Variants in RAD51B observed in about 807,000 individuals in gnomAD.
RAD51B encodes the protein DNA repair protein RAD51 homolog 2.
Under a neutral mutation model 42.2 loss-of-function variants are expected in RAD51B, and 38 were observed. That is an observed-to-expected ratio of 0.90 (90% CI 0.70 to 1.18). The LOEUF is 1.18. Among genes scored for constraint, RAD51B ranks in the 50% most tolerant of loss-of-function variants. The pLI is 0.00. For missense variants in RAD51B, 373 were observed against 400.7 expected, an observed-to-expected ratio of 0.93 and a Z score of 0.59; for synonymous variants, 154 against 145.2, an observed-to-expected ratio of 1.06 and a Z score of -0.43.
At chr14:68,405,206 G>C (rs948586085) in intron 8 of RAD51B, among the ~76,000 whole-genome samples, 19 of 152,182 alleles carry the variant, frequency 1.2e-4, no homozygotes, top group African/African-American at 4.3e-4. Context: ...AGCTTACATA[G>C]TGCCTAGCAC....
At position 68,508,163 on chromosome 14, in the gene RAD51B, C is replaced by T. The variant is rs73282347; in HGVS notation, c.1036+39913C>T. On this transcript the variant is annotated intron_variant, in intron 10 of 10. Coordinates refer to the RAD51B transcript ENST00000487270. Reference sequence around the variant, plus strand: ...TCCCAGGCTCTGTTCTGGTCCAGTGCAGGGCTCCAGTTGTTGATGGTGATG... The same window carrying T: ...TCCCAGGCTCTGTTCTGGTCCAGTGTAGGGCTCCAGTTGTTGATGGTGATG... Among the ~76,000 whole-genome samples the T allele has an allele frequency of 6.7e-3, 1,015 of 152,310 alleles. 15 individuals carry two copies. The highest frequency in any genetic ancestry group is 0.022 in the African/African-American group (931 of 41,558).
At chr14:68,632,949 C>CT (rs1323716434) in intron 10 of RAD51B, among the ~76,000 whole-genome samples, 1 of 100,972 alleles carries the variant, frequency 9.9e-6, no homozygotes, top group Admixed American at 9.4e-5. Flanking sequence ...CTAATTTTTT[C>CT]TTTTTTCTTT....
At chr14:67,836,666 T>A (rs2140300957) in intron 4 of RAD51B, among the ~76,000 whole-genome samples, 3 of 152,196 alleles carry the variant, frequency 2.0e-5, no homozygotes, top group Middle Eastern at 6.8e-3. Flanking sequence ...GGTTTCACCA[T>A]GTTGTCCAGG....
intron 10 of RAD51B, among the ~76,000 whole-genome samples, chr14:68,602,792 A>C (rs61987060): frequency 0.15 from 23,307 of 152,136 alleles, 1,948 homozygotes; most frequent in African/African-American, 0.19. Context: ...ATATTTGACG[A>C]GATATCCGGG....
At chr14:68,239,704 G>T (rs2080342979) in intron 7 of RAD51B, among the ~76,000 whole-genome samples, 1 of 152,004 alleles carries the variant, frequency 6.6e-6, no homozygotes, top group African/African-American at 2.4e-5. Flanking sequence ...ATCTCCACCA[G>T]CCAAAAGAAC....
At chr14:68,438,230 T>C (rs1357348159) in intron 9 of RAD51B, among the ~76,000 whole-genome samples, 1 of 151,846 alleles carries the variant, frequency 6.6e-6, no homozygotes, top group Non-Finnish European at 1.5e-5. Flanking sequence ...TGCAAAGAAA[T>C]GAGGGCCTGA....
At chr14:67,969,105 G>A (rs2074845172) in intron 7 of RAD51B, among the ~76,000 whole-genome samples, 1 of 152,148 alleles carries the variant, frequency 6.6e-6, no homozygotes, top group Non-Finnish European at 1.5e-5. Flanking sequence ...AGAACAGTAT[G>A]GGGGAAACTG....
intron 8 of RAD51B, among the ~76,000 whole-genome samples, chr14:68,338,474 C>T (rs916853382): frequency 1.3e-5 from 2 of 152,202 alleles, no homozygotes; most frequent in Admixed American, 1.3e-4. Context: ...CCCAGGGAGA[C>T]TAGCATCAAT....
intron 7 of RAD51B, among the ~76,000 whole-genome samples, chr14:68,221,966 A>C (rs1282405449): frequency 6.6e-6 from 1 of 152,256 alleles, no homozygotes; most frequent in Non-Finnish European, 1.5e-5. Flanking sequence ...TATCAGGGAA[A>C]TGCAAATCAA....
intron 10 of RAD51B, chr14:68,562,706 C>A (rs777681963): frequency 2.0e-6 from 2 of 985,342 alleles, no homozygotes; most frequent in Non-Finnish European, 2.4e-6. Context: ...TTAGAGTGGC[C>A]ATTTGTTTCC....
chr14:68,673,944 C>T (rs963891306), intron 11 of RAD51B, among the ~76,000 whole-genome samples: 1 of 151,516 alleles, frequency 6.6e-6, no homozygotes, highest in African/African-American at 2.4e-5. Flanking sequence ...CACACACATA[C>T]TGTACACACA....
In RAD51B at chr14:68,356,969, C is replaced by G. The variant is rs1459846493; in HGVS notation, c.854-54455C>G. Among the ~76,000 whole-genome samples, 3 of 109,868 alleles carry G rather than the reference C, an allele frequency of 2.7e-5. No individual in the cohort carries two copies. In the East Asian group the frequency reaches 9.0e-4, roughly 33 times the overall value. The allele number at this position is 109,868 out of a possible 152,430, so 72.1% of individuals were successfully genotyped here. On this transcript the variant is annotated intron_variant, in intron 8 of 10. Transcript: ENST00000471583. The stretch of plus-strand genomic sequence containing the variant: ...CTGCACTCCAGCCTGGGCGACAGAG[C>G]GAGACTCCGTCTCAAAAAAAAAAAA...
Position 68,505,833 on chromosome 14 carries a change from G to A in RAD51B, c.1036+37583G>A, listed in dbSNP as rs562829453. 7.9e-5 allele frequency among the ~76,000 whole-genome samples: 12 copies of A among 152,338 alleles called. 1 individual carries two copies. The South Asian group carries it at 2.3e-3, about 29-fold the overall frequency. On this transcript the variant is annotated intron_variant, in intron 10 of 10. Transcript: ENST00000487270. ...CTCCCAAAGTGTTGGGATTACAGGC[G>A]TGAGCGACCGCGCCCAGCCAGATTA...
chr14:68,382,601 A>T (rs750385773), intron 8 of RAD51B, among the ~76,000 whole-genome samples: 6 of 152,250 alleles, frequency 3.9e-5, no homozygotes, highest in Non-Finnish European at 7.3e-5. Flanking sequence ...ACAAAGACTT[A>T]GAACTTAATA....
chr14:68,021,836 T>C (rs1211674254), intron 7 of RAD51B, among the ~76,000 whole-genome samples: 3 of 152,232 alleles, frequency 2.0e-5, no homozygotes, highest in African/African-American at 7.2e-5. Flanking sequence ...TTTAAAAATA[T>C]GGTTAAAAAA....
At chr14:68,549,845 T>G (rs1460675725) in intron 10 of RAD51B, among the ~76,000 whole-genome samples, 1 of 152,254 alleles carries the variant, frequency 6.6e-6, no homozygotes, top group African/African-American at 2.4e-5. Flanking sequence ...GGTGAGCTTA[T>G]GTTTGGTGAC....
At chr14:68,658,273 CA>C (rs1892859764) in intron 11 of RAD51B, among the ~76,000 whole-genome samples, 5 of 152,342 alleles carry the variant, frequency 3.3e-5, no homozygotes, top group Admixed American at 3.3e-4. Flanking sequence ...TTGGTGCTAC[CA>C]GTGCCATGTC....
chr14:68,559,178 T>A (rs1889018060), intron 10 of RAD51B, among the ~76,000 whole-genome samples: 1 of 151,820 alleles, frequency 6.6e-6, no homozygotes, highest in South Asian at 2.1e-4. Flanking sequence ...TAGAGACAAA[T>A]ACCTATAAAA....
At chr14:68,676,820 C>T (rs950904004) in intron 11 of RAD51B, among the ~76,000 whole-genome samples, 17 of 152,358 alleles carry the variant, frequency 1.1e-4, no homozygotes, top group African/African-American at 1.9e-4. Context: ...GACTGGATGA[C>T]GGGCGTCCCC....
Sources: gnomAD v4.1 joint callset for allele counts (sites outside exome capture counted in the v4.1 genomes callset) on GRCh38, gnomAD v4.1.1 for gene constraint, MANE v1.5 for transcripts, NCBI Gene and HGNC (gene_info 2026-07-23, HGNC 2026-07-21) for gene names.